The following KHDRBS2 variants were observed in gnomAD, a reference collection of about 807,000 sequenced individuals.
The protein encoded by KHDRBS2 is KH domain-containing, RNA-binding, signal transduction-associated protein 2.
Under a neutral mutation model 44.3 loss-of-function variants are expected in KHDRBS2, and 26 were observed. That is an observed-to-expected ratio of 0.59 (90% CI 0.43 to 0.81). KHDRBS2 has a LOEUF of 0.81. KHDRBS2 is among the 40% of genes least tolerant of loss of function. KHDRBS2 has a pLI of 0.00. For synonymous variants in KHDRBS2, 194 were observed against 151.1 expected (o/e 1.28, Z -2.08); for missense variants, 476 against 433.1 (o/e 1.10, Z -0.88).
chr6:61,979,917 C>G (rs1265406442), intron 3 of KHDRBS2, among the ~76,000 whole-genome samples: 1 of 152,044 alleles, frequency 6.6e-6, no homozygotes, highest in Admixed American at 6.6e-5. Context: ...TATGTTGATT[C>G]CCATTCAGTT....
chr6:61,905,473 G>A (rs115064292), intron 4 of KHDRBS2, among the ~76,000 whole-genome samples: 268 of 152,176 alleles, frequency 1.8e-3, no homozygotes, highest in African/African-American at 6.0e-3. Flanking sequence ...TGAAGGTGGA[G>A]CATTCATATT....
the KHDRBS2 span, among the ~76,000 whole-genome samples, chr6:61,544,592 T>C: frequency 2.6e-5 from 4 of 152,112 alleles, no homozygotes; most frequent in African/African-American, 9.7e-5. Context: ...AAATCATTCA[T>C]TTACTTCCTG....
At chr6:61,976,199 A>G (rs893850222) in intron 4 of KHDRBS2, among the ~76,000 whole-genome samples, 1 of 152,142 alleles carries the variant, frequency 6.6e-6, no homozygotes, top group Non-Finnish European at 1.5e-5. Flanking sequence ...CCTCATGCCT[A>G]TAGGCAGCCA....
chr6:61,722,477 C>G (rs1772789496), intron 7 of KHDRBS2, among the ~76,000 whole-genome samples: 1 of 152,128 alleles, frequency 6.6e-6, no homozygotes, highest in Non-Finnish European at 1.5e-5. Flanking sequence ...TAGGCATCTT[C>G]CAGATTCTAT....
At chr6:61,955,284 ATACG>A (rs1298825705) in intron 4 of KHDRBS2, among the ~76,000 whole-genome samples, 2 of 58,936 alleles carry the variant, frequency 3.4e-5, no homozygotes, top group African/African-American at 9.3e-5. Flanking sequence ...AAATATACTC[ATACG>A]TATGTATGTA....
chr6:61,853,286 T>G (rs1433562811), intron 6 of KHDRBS2, among the ~76,000 whole-genome samples: 1 of 152,180 alleles, frequency 6.6e-6, no homozygotes. Context: ...ATTAAGGCTA[T>G]TTTTATTTCC....
intron 2 of KHDRBS2, among the ~76,000 whole-genome samples, chr6:62,116,720 A>G (rs1806314333): frequency 6.6e-6 from 1 of 152,056 alleles, no homozygotes; most frequent in South Asian, 2.1e-4. Flanking sequence ...CTATCTAACC[A>G]TATATATGTA....
chr6:61,849,275 ATTAG>A (rs1199894324), intron 6 of KHDRBS2, among the ~76,000 whole-genome samples: 3 of 152,122 alleles, frequency 2.0e-5, no homozygotes, highest in South Asian at 2.1e-4. Context: ...TAATTAATTA[ATTAG>A]TTAAATAGAA....
At chr6:61,894,383 C>T (rs1471425165) in intron 6 of KHDRBS2, among the ~76,000 whole-genome samples, 3 of 152,144 alleles carry the variant, frequency 2.0e-5, no homozygotes, top group Non-Finnish European at 4.4e-5. Flanking sequence ...TCTGATCAAA[C>T]TTCCTAAGGA....
intron 1 of KHDRBS2, among the ~76,000 whole-genome samples, chr6:62,223,895 A>G (rs990706653): frequency 6.6e-6 from 1 of 152,050 alleles, no homozygotes; most frequent in Admixed American, 6.6e-5. Flanking sequence ...GCTATTCAAC[A>G]AGTCTCTAGG....
At chr6:61,972,849 C>T (rs538494060) in intron 4 of KHDRBS2, among the ~76,000 whole-genome samples, 2 of 152,264 alleles carry the variant, frequency 1.3e-5, no homozygotes, top group African/African-American at 4.8e-5. Context: ...TATTCACCTG[C>T]ATAAAAGACT....
At chr6:61,587,586 G>T in the KHDRBS2 span, among the ~76,000 whole-genome samples, 1 of 152,044 alleles carries the variant, frequency 6.6e-6, no homozygotes, top group Non-Finnish European at 1.5e-5. Flanking sequence ...GTCTTCCTCC[G>T]TGTGGAGTCA....
chr6:61,838,355 TAAAG>T (rs1261522754), intron 6 of KHDRBS2, among the ~76,000 whole-genome samples: 1 of 151,952 alleles, frequency 6.6e-6, no homozygotes, highest in Non-Finnish European at 1.5e-5. Flanking sequence ...ATAAGAAAAT[TAAAG>T]AAAGCATACT....
chr6:62,247,417 T>C (rs1013603089), intron 1 of KHDRBS2, among the ~76,000 whole-genome samples: 2 of 151,948 alleles, frequency 1.3e-5, no homozygotes, highest in Non-Finnish European at 1.5e-5. Context: ...TCTCATATTA[T>C]TTAACACAAA....
At chr6:62,054,578 A>G (rs1378619236) in intron 2 of KHDRBS2, among the ~76,000 whole-genome samples, 3 of 152,088 alleles carry the variant, frequency 2.0e-5, no homozygotes, top group African/African-American at 7.2e-5. Flanking sequence ...TCTTTTTAAA[A>G]GAAAGAAGGA....
At chr6:61,792,230 C>T (rs993883441) in intron 6 of KHDRBS2, among the ~76,000 whole-genome samples, 1 of 151,510 alleles carries the variant, frequency 6.6e-6, no homozygotes, top group Non-Finnish European at 1.5e-5. Flanking sequence ...TCCACCGCTC[C>T]TAACCTTTGA....
intron 1 of KHDRBS2, among the ~76,000 whole-genome samples, chr6:62,178,726 A>G (rs1821654771): frequency 6.6e-6 from 1 of 151,572 alleles, no homozygotes; most frequent in South Asian, 2.1e-4. Context: ...TGTTTTTTAT[A>G]TAGTTATTAT....
chr6:62,056,486 C>T (rs1464436845), intron 2 of KHDRBS2, among the ~76,000 whole-genome samples: 2 of 152,014 alleles, frequency 1.3e-5, no homozygotes, highest in South Asian at 4.1e-4. Context: ...CAAAGAAAGA[C>T]ATAAGGTATT....
chr6:61,897,711 GTC>G (rs113407645), intron 5 of KHDRBS2, among the ~76,000 whole-genome samples: 129 of 147,800 alleles, frequency 8.7e-4, no homozygotes, highest in Middle Eastern at 3.5e-3. Context: ...CTCTGTCTCT[GTC>G]TCTCTCTCTC....
Sources: gnomAD v4.1 joint callset for allele counts (sites outside exome capture counted in the v4.1 genomes callset) on GRCh38, gnomAD v4.1.1 for gene constraint, MANE v1.5 for transcripts, NCBI Gene and HGNC (gene_info 2026-07-23, HGNC 2026-07-21) for gene names.